IGF1R: variants seen among roughly 807,000 people sequenced by gnomAD.
IGF1R encodes the protein insulin-like growth factor 1 receptor.
IGF1R carries 44 observed loss-of-function variants against 144.6 expected under a neutral mutation model. The ratio of observed to expected loss-of-function variants is 0.30; its 90% CI spans 0.24 to 0.39. IGF1R has a LOEUF of 0.39. Among genes scored for constraint, IGF1R ranks in the 10% least tolerant of loss-of-function variants. The pLI is 1.00. For missense variants in IGF1R, 1,355 were observed against 1,833.7 expected (o/e 0.74, Z 4.77); for synonymous variants, 795 against 722.8 (o/e 1.10, Z -1.60).
At chr15:98,675,826 C>CTTTTTTTTTTTTTTTT (rs869068918) in intron 1 of IGF1R, among the ~76,000 whole-genome samples, 1 of 46,148 alleles carries the variant, frequency 2.2e-5, no homozygotes, top group Non-Finnish European at 5.9e-5. Flanking sequence ...TTCTTTCTTT[C>CTTTTTTTTTTTTTTTT]TTTTTTTTTT....
chr15:98,904,033 A>G (rs1470365290), intron 5 of IGF1R, among the ~76,000 whole-genome samples: 2 of 149,228 alleles, frequency 1.3e-5, no homozygotes, highest in Non-Finnish European at 3.0e-5. Context: ...ACGGAAGCTC[A>G]TGGAATGATG....
chr15:98,679,905 G>A (rs901396991), intron 1 of IGF1R, among the ~76,000 whole-genome samples: 6 of 151,810 alleles, frequency 4.0e-5, no homozygotes, highest in Non-Finnish European at 8.8e-5. Context: ...CTAGGCTAAC[G>A]TGTGTGTTTG....
rs886051579 is a variant in IGF1R at position 98,959,014 on chromosome 15, G to A, written c.*1572G>A. The A allele has an allele frequency of 4.7e-5, 11 of 233,092 alleles. No individual in the cohort carries two copies. Among genetic ancestry groups the A allele is most frequent in the Admixed American group, 1.1e-4 (2 of 17,772 alleles). The allele number at this position is 233,092 out of a possible 1,614,324, so 14.4% of individuals were successfully genotyped here. A position where few individuals can be genotyped will look rare whatever the true frequency, so the allele number is the denominator to read the frequency against. On this transcript the variant is annotated 3_prime_UTR_variant, in exon 21 of 21. Coordinates refer to ENST00000650285, the MANE Select transcript of IGF1R (RefSeq NM_000875.5). ...CGGGCACCCATCCTGAGAGGGCCGC[G>A]CTCCTCTCCCCAGCCTGCCCTCACA...
At chr15:98,728,034 G>T (rs1241588818) in intron 2 of IGF1R, among the ~76,000 whole-genome samples, 2 of 92,556 alleles carry the variant, frequency 2.2e-5, no homozygotes, top group African/African-American at 3.6e-5. Context: ...TTTTTTAAGC[G>T]AGCAGCAGCA....
chr15:98,674,520 T>G (rs1035984891), intron 1 of IGF1R, among the ~76,000 whole-genome samples: 1 of 152,202 alleles, frequency 6.6e-6, no homozygotes, highest in Non-Finnish European at 1.5e-5. Context: ...AGCAATCACG[T>G]GTACACATAG....
intron 6 of IGF1R, among the ~76,000 whole-genome samples, chr15:98,909,622 C>T (rs1037497687): frequency 1.3e-5 from 2 of 152,204 alleles, no homozygotes; most frequent in African/African-American, 2.4e-5. Context: ...TCTGCTCCCA[C>T]AGAAGGGAAG....
intron 2 of IGF1R, among the ~76,000 whole-genome samples, chr15:98,843,480 C>T (rs913107519): frequency 6.6e-6 from 1 of 152,020 alleles, no homozygotes; most frequent in Non-Finnish European, 1.5e-5. Flanking sequence ...TTGAATTGCA[C>T]TGAAAACGAA....
Position 98,959,731 on chromosome 15 carries a change from A to G in IGF1R, c.*2289A>G, listed in dbSNP as rs1288865259. On this transcript the variant is annotated 3_prime_UTR_variant, in exon 21 of 21. Coordinates refer to ENST00000650285, the MANE Select transcript of IGF1R (RefSeq NM_000875.5). ...GTTTAGGAGTAAGAACAAAGCTGGGATACGGTGATTGCTAGTTGTGACTGA... is the reference window on the plus strand; with the variant it reads ...GTTTAGGAGTAAGAACAAAGCTGGGGTACGGTGATTGCTAGTTGTGACTGA... 2.6e-5 allele frequency: 6 copies of G among 233,570 alleles called. No individual in the cohort carries two copies. Among genetic ancestry groups the G allele is most frequent in the Non-Finnish European group, 4.2e-5 (5 of 118,032 alleles). The allele number at this position is 233,570 out of a possible 1,614,324, so 14.5% of individuals were successfully genotyped here.
chr15:98,818,441 T>C (rs925473574), intron 2 of IGF1R, among the ~76,000 whole-genome samples: 9 of 151,856 alleles, frequency 5.9e-5, no homozygotes, highest in African/African-American at 1.9e-4. Flanking sequence ...GAAGGAGGAA[T>C]AGTGGAAAAA....
chr15:98,951,795 C>G (rs551017548), intron 20 of IGF1R, among the ~76,000 whole-genome samples: 3 of 152,274 alleles, frequency 2.0e-5, no homozygotes, highest in African/African-American at 4.8e-5. Flanking sequence ...CACTCTTTCT[C>G]TAAAAGGCCG....
Position 98,963,660 on chromosome 15 carries a change from CGAT to C in IGF1R, c.*6221_*6223del, listed in dbSNP as rs1161771355. On this transcript the variant is annotated 3_prime_UTR_variant, in exon 21 of 21. Transcript: ENST00000650285. Reference sequence around the variant, plus strand: ...ACAGCATACACAGTGATCACATAAACGATGACAGCTATGGGGCACACAGGCCAT... The same window carrying C: ...ACAGCATACACAGTGATCACATAAACGACAGCTATGGGGCACACAGGCCAT... 1.3e-5 allele frequency: 3 copies of C among 233,136 alleles called. No homozygotes were observed. The East Asian group carries it at 1.8e-4, about 14-fold the overall frequency. 14.4% of individuals were successfully genotyped at this position (233,136 alleles called of 1,614,324 possible). A position where few individuals can be genotyped will look rare whatever the true frequency, so the allele number is the denominator to read the frequency against.
In IGF1R at chr15:98,676,207, C is replaced by T. The variant is rs577682926; in HGVS notation, c.94+26532C>T. On this transcript the variant is annotated intron_variant, in intron 1 of 20. Coordinates refer to ENST00000650285, the MANE Select transcript of IGF1R (RefSeq NM_000875.5). ...CCAAGCTGGAGTGCAGTGGCGCCAT[C>T]TCGGCTCCCTGCAACCTCCACCTCC... Among the ~76,000 whole-genome samples the T allele has an allele frequency of 3.9e-5, 6 of 152,204 alleles. No homozygotes were observed. The South Asian group carries it at 1.2e-3, about 32-fold the overall frequency.
chr15:98,956,063 T>C (rs898363534), intron 20 of IGF1R, among the ~76,000 whole-genome samples: 2 of 152,234 alleles, frequency 1.3e-5, no homozygotes, highest in Non-Finnish European at 2.9e-5. Flanking sequence ...AAAGTCTGTT[T>C]AGCTGGGTCT....
chr15:98,715,582 A>G (rs1483055902), intron 2 of IGF1R, among the ~76,000 whole-genome samples: 1 of 152,168 alleles, frequency 6.6e-6, no homozygotes, highest in African/African-American at 2.4e-5. Flanking sequence ...CATTCTCGGC[A>G]GAGTGGGGAT....
chr15:98,958,382 C>G lies in IGF1R; in HGVS notation c.*940C>G. On this transcript the variant is annotated 3_prime_UTR_variant, in exon 21 of 21. Transcript: ENST00000650285. ...CGGACAGGCTTGGAGTCAAGGGGCC[C>G]CATGCCTGCTTCTCTCCCAGCCCCA... 1 of 224,608 alleles carries G rather than the reference C, an allele frequency of 4.5e-6. No individual in the cohort carries two copies. The highest frequency in any genetic ancestry group is 8.9e-6 in the Non-Finnish European group (1 of 112,390). 13.9% of individuals were successfully genotyped at this position (224,608 alleles called of 1,614,324 possible). A position where few individuals can be genotyped will look rare whatever the true frequency, so the allele number is the denominator to read the frequency against.
At chr15:98,778,376 G>A (rs549119972) in intron 2 of IGF1R, among the ~76,000 whole-genome samples, 125 of 152,308 alleles carry the variant, frequency 8.2e-4, no homozygotes, top group African/African-American at 2.8e-3. Context: ...ACACTAAGCT[G>A]TGGGCTTGGG....
intron 2 of IGF1R, among the ~76,000 whole-genome samples, chr15:98,810,563 T>A (rs946083007): frequency 2.0e-5 from 3 of 151,096 alleles, no homozygotes; most frequent in African/African-American, 7.3e-5. Flanking sequence ...TCTTTTTTTT[T>A]TTTTTTTGAG....
intron 1 of IGF1R, among the ~76,000 whole-genome samples, chr15:98,657,370 C>G (rs1056848035): frequency 1.3e-5 from 2 of 152,204 alleles, no homozygotes; most frequent in Non-Finnish European, 2.9e-5. Flanking sequence ...AAAGTGTTTT[C>G]TAAGTCATTA....
intron 2 of IGF1R, among the ~76,000 whole-genome samples, chr15:98,880,377 G>C (rs540220024): frequency 1.7e-4 from 26 of 152,232 alleles, no homozygotes; most frequent in Non-Finnish European, 2.6e-4. Flanking sequence ...TGTGGTGTTT[G>C]CTTGTTTTTC....
Sources: allele counts gnomAD v4.1 joint callset (sites outside exome capture counted in the v4.1 genomes callset), GRCh38; gene constraint gnomAD v4.1.1; transcripts MANE v1.5; gene names NCBI Gene and HGNC (gene_info 2026-07-23, HGNC 2026-07-21).